Variants in PKNOX2 observed in about 807,000 individuals in gnomAD.
PKNOX2 encodes the protein PBX/knotted 1 homeobox 2.
PKNOX2 carries 14 observed loss-of-function variants against 53.1 expected under a neutral mutation model. The observed-to-expected ratio is 0.26, with a 90% CI of 0.17 to 0.41. The LOEUF (loss-of-function observed/expected upper bound fraction) is 0.41, where lower values mean the gene tolerates loss of function less well. Ranked by LOEUF, PKNOX2 falls within the 10% of genes least tolerant of loss-of-function variation. PKNOX2 has a pLI of 1.00. For synonymous variants in PKNOX2, 257 were observed against 242.8 expected, an observed-to-expected ratio of 1.06 and a Z score of -0.54; for missense variants, 496 against 602.8, an observed-to-expected ratio of 0.82 and a Z score of 1.85.
At chr11:125,217,540 C>T (rs1591484263) in intron 1 of PKNOX2, among the ~76,000 whole-genome samples, 3 of 152,200 alleles carry the variant, frequency 2.0e-5, no homozygotes, top group Non-Finnish European at 4.4e-5. Context: ...TGCATGGAAA[C>T]AGGTAGAAGC....
chr11:125,183,491 T>G, intron 1 of PKNOX2, among the ~76,000 whole-genome samples: 1 of 152,092 alleles, frequency 6.6e-6, no homozygotes, highest in Non-Finnish European at 1.5e-5. Context: ...ATGAATCCTT[T>G]TTCTGACAGT....
chr11:125,272,490 C>G (rs1320511754), intron 2 of PKNOX2, among the ~76,000 whole-genome samples: 1 of 152,196 alleles, frequency 6.6e-6, no homozygotes, highest in Non-Finnish European at 1.5e-5. Flanking sequence ...TATGGGACAA[C>G]TGGGGCCCAA....
chr11:125,230,267 T>C (rs1200065236), intron 1 of PKNOX2, among the ~76,000 whole-genome samples: 1 of 152,234 alleles, frequency 6.6e-6, no homozygotes, highest in Non-Finnish European at 1.5e-5. Context: ...ACTAGGTAAT[T>C]ATATCTATTT....
intron 6 of PKNOX2, among the ~76,000 whole-genome samples, chr11:125,394,254 T>C (rs1220651024): frequency 6.6e-6 from 1 of 152,206 alleles, no homozygotes; most frequent in Non-Finnish European, 1.5e-5. Flanking sequence ...CAAGAACAAA[T>C]CTTTATTAAG....
At chr11:125,271,901 G>A (rs555691665) in intron 2 of PKNOX2, among the ~76,000 whole-genome samples, 25 of 152,234 alleles carry the variant, frequency 1.6e-4, no homozygotes, top group African/African-American at 4.1e-4. Flanking sequence ...GCCCACCCCC[G>A]TGACAGATGC....
intron 2 of PKNOX2, among the ~76,000 whole-genome samples, chr11:125,315,264 C>T (rs1049470877): frequency 2.1e-5 from 3 of 143,540 alleles, no homozygotes; most frequent in Non-Finnish European, 4.5e-5. Flanking sequence ...AACCCCCTGC[C>T]AGGATGCTCA....
intron 1 of PKNOX2, among the ~76,000 whole-genome samples, chr11:125,210,584 CAG>C (rs1392336573): frequency 1.3e-5 from 2 of 152,116 alleles, no homozygotes; most frequent in African/African-American, 4.8e-5. Flanking sequence ...GTCTTTGGTT[CAG>C]AGTTTTCAGG....
intron 2 of PKNOX2, among the ~76,000 whole-genome samples, chr11:125,280,755 A>C (rs373828165): frequency 1.3e-5 from 2 of 152,152 alleles, no homozygotes; most frequent in Non-Finnish European, 2.9e-5. Context: ...AGTTTCCTAC[A>C]TTCACAGGGC....
chr11:125,227,330 T>A (rs180982748), intron 1 of PKNOX2, among the ~76,000 whole-genome samples: 2 of 152,306 alleles, frequency 1.3e-5, no homozygotes, highest in African/African-American at 4.8e-5. Flanking sequence ...ACGCCTTTCC[T>A]CTTGCAAAAC....
At chr11:125,325,139 A>G (rs530826466) in intron 2 of PKNOX2, among the ~76,000 whole-genome samples, 1 of 152,296 alleles carries the variant, frequency 6.6e-6, no homozygotes, top group African/African-American at 2.4e-5. Context: ...TGCATTCCCA[A>G]TTACCAATCT....
At chr11:125,392,155 T>G (rs944030246) in intron 6 of PKNOX2, among the ~76,000 whole-genome samples, 1 of 152,216 alleles carries the variant, frequency 6.6e-6, no homozygotes, top group African/African-American at 2.4e-5. Context: ...CTTGCATGCA[T>G]TTGGTTTACT....
chr11:125,317,816 T>C (rs972884961), intron 2 of PKNOX2, among the ~76,000 whole-genome samples: 4 of 152,202 alleles, frequency 2.6e-5, no homozygotes, highest in African/African-American at 9.6e-5. Context: ...TGGCCAGTAA[T>C]AAAAAAGTCA....
At chr11:125,341,606 T>C (rs73618148) in intron 3 of PKNOX2, among the ~76,000 whole-genome samples, 11,313 of 152,180 alleles carry the variant, frequency 0.074, 1,371 homozygotes, top group African/African-American at 0.26. Flanking sequence ...ACATGCATGA[T>C]GATTATTCCC....
chr11:125,418,925 G>T (rs1324681459), intron 10 of PKNOX2, among the ~76,000 whole-genome samples: 1 of 151,926 alleles, frequency 6.6e-6, no homozygotes. Flanking sequence ...TGTACGGGAG[G>T]ATGTTTGTAG....
intron 1 of PKNOX2, among the ~76,000 whole-genome samples, chr11:125,178,569 G>A (rs1362341758): frequency 6.5e-5 from 3 of 46,340 alleles, no homozygotes; most frequent in African/African-American, 3.1e-4. Flanking sequence ...AAGGAACGAA[G>A]GAAGGAAGGA....
intron 3 of PKNOX2, among the ~76,000 whole-genome samples, chr11:125,345,574 G>A (rs533885897): frequency 6.6e-6 from 1 of 152,230 alleles, no homozygotes; most frequent in East Asian, 1.9e-4. Flanking sequence ...GCACCCACAC[G>A]CCTTTGCTTC....
chr11:125,319,831 G>A (rs923206010), intron 2 of PKNOX2, among the ~76,000 whole-genome samples: 3 of 152,182 alleles, frequency 2.0e-5, no homozygotes, highest in Admixed American at 6.5e-5. Context: ...GCCCTGTGGT[G>A]GGAAGAAGCA....
chr11:125,331,604 G>A (rs1844675691), intron 2 of PKNOX2: 2 of 152,368 alleles, frequency 1.3e-5, no homozygotes, highest in African/African-American at 4.8e-5. Context: ...ACAGTGACCA[G>A]GGCCTGGCTA....
intron 1 of PKNOX2, among the ~76,000 whole-genome samples, chr11:125,189,447 G>GTGTC (rs1256963392): frequency 4.3e-5 from 1 of 23,462 alleles, no homozygotes; most frequent in African/African-American, 1.6e-4. Flanking sequence ...GTGTGTGTGT[G>GTGTC]TATATATATA....
Sources: gnomAD v4.1 joint callset for allele counts (sites outside exome capture counted in the v4.1 genomes callset) on GRCh38, gnomAD v4.1.1 for gene constraint, MANE v1.5 for transcripts, NCBI Gene and HGNC (gene_info 2026-07-23, HGNC 2026-07-21) for gene names.